The following USP13 variants were observed in gnomAD, a reference collection of about 807,000 sequenced individuals.
USP13 encodes the protein ubiquitin carboxyl-terminal hydrolase 13.
In USP13, 68 loss-of-function variants were observed where a neutral mutation model predicts 107.8. The ratio of observed to expected loss-of-function variants is 0.63; its 90% CI spans 0.52 to 0.77. The LOEUF is 0.77. Among genes scored for constraint, USP13 ranks in the 30% least tolerant of loss-of-function variants. The probability of loss-of-function intolerance (pLI) is 0.00; values close to 1 mark genes in which losing one functional copy is unlikely to be tolerated. For synonymous variants in USP13, 377 were observed against 389.5 expected, an observed-to-expected ratio of 0.97 and a Z score of 0.38; for missense variants, 945 against 1,093.3, an observed-to-expected ratio of 0.86 and a Z score of 1.91.
At position 179,653,470 on chromosome 3, in the gene USP13, T is replaced by C; in HGVS notation, c.168+77T>C. On this transcript the variant is annotated intron_variant, in intron 1 of 20. Transcript: ENST00000263966. This position sits in a 1 kb window ranked among gnomAD's most constrained non-coding sequence, Gnocchi z 4.0. ...TGAAGCCGGGGGAGAAGATGCGCAG[T>C]GGCGGCCGGGACCTCTTCTCTTCCT... 1 of 1,504,976 alleles carries C rather than the reference T, an allele frequency of 6.6e-7. No individual in the cohort carries two copies. 93.2% of individuals were successfully genotyped at this position (1,504,976 alleles called of 1,614,324 possible). A position where few individuals can be genotyped will look rare whatever the true frequency, so the allele number is the denominator to read the frequency against.
At chr3:179,690,605 C>T (rs970415143) in intron 3 of USP13, among the ~76,000 whole-genome samples, 1 of 152,176 alleles carries the variant, frequency 6.6e-6, no homozygotes, top group African/African-American at 2.4e-5. Flanking sequence ...CAGGGTCTGG[C>T]TCTCTCGCCT....
At position 179,745,582 on chromosome 3, in the gene USP13, GC is replaced by G. The variant is rs549145411; in HGVS notation, c.1709+369del. ...CCTCCCAACCTTGACCCCACCCCCA[GC>G]CCCTCTCTTACCAAGAGGATACAGC... On this transcript the variant is annotated intron_variant, in intron 13 of 20. Coordinates refer to ENST00000263966, the MANE Select transcript of USP13 (RefSeq NM_003940.3). Among the ~76,000 whole-genome samples, 13 of 140,504 alleles carry G rather than the reference GC, an allele frequency of 9.3e-5. No individual in the cohort carries two copies. The South Asian group carries it at 3.0e-3, about 32-fold the overall frequency. The allele number at this position is 140,504 out of a possible 152,430, so 92.2% of individuals were successfully genotyped here. A position where few individuals can be genotyped will look rare whatever the true frequency, so the allele number is the denominator to read the frequency against.
chr3:179,660,840 A>G (rs1720436769), intron 1 of USP13, among the ~76,000 whole-genome samples: 2 of 152,224 alleles, frequency 1.3e-5, no homozygotes, highest in African/African-American at 2.4e-5. Context: ...AGTAAATCTT[A>G]TTAGTTTCAC....
chr3:179,671,795 C>T (rs779509069), intron 1 of USP13, among the ~76,000 whole-genome samples: 2 of 151,986 alleles, frequency 1.3e-5, no homozygotes, highest in Non-Finnish European at 2.9e-5. Flanking sequence ...GTGTTCTGGT[C>T]TTCTTGGCCT....
intron 3 of USP13, among the ~76,000 whole-genome samples, chr3:179,695,018 T>C (rs994495639): frequency 6.6e-6 from 1 of 151,956 alleles, no homozygotes; most frequent in Non-Finnish European, 1.5e-5. Context: ...CTGAGTAAAG[T>C]TGGGGTCTCT....
chr3:179,688,134 TATCC>T (rs1356389336), intron 2 of USP13, among the ~76,000 whole-genome samples: 1 of 31,390 alleles, frequency 3.2e-5, no homozygotes, highest in Admixed American at 3.4e-4. Flanking sequence ...TCCATCCATA[TATCC>T]ATCCATCCAT....
rs371270750 is a variant in USP13 at position 179,709,163 on chromosome 3, A to G, written c.805+206A>G. On this transcript the variant is annotated intron_variant, in intron 6 of 20. Coordinates refer to ENST00000263966, the MANE Select transcript of USP13 (RefSeq NM_003940.3). ...TAGAATCCTCATCTTGAGGATAACG[A>G]TGATGATACCTCTTTCCTGTGTTTG... is the stretch of plus-strand genomic sequence containing the variant. Among the ~76,000 whole-genome samples the G allele has an allele frequency of 5.4e-4, 82 of 152,350 alleles. No individual in the cohort carries two copies. In the South Asian group the frequency reaches 0.017, roughly 31 times the overall value.
At position 179,785,215 on chromosome 3, in the gene USP13, C is replaced by T. The variant is rs975772339; in HGVS notation, c.*1074C>T. On this transcript the variant is annotated 3_prime_UTR_variant, in exon 21 of 21. Transcript: ENST00000263966. ...TCCCATCTCTGAGCTCTTTATCTGC[C>T]TCCGTTTCCTTGTTTTTCTGGGGCC... The T allele has an allele frequency of 6.6e-6, 1 of 152,192 alleles. No individual in the cohort carries two copies. The highest frequency in any genetic ancestry group is 2.4e-5 in the African/African-American group (1 of 41,426). 9.4% of individuals were successfully genotyped at this position (152,192 alleles called of 1,614,324 possible).
intron 4 of USP13, among the ~76,000 whole-genome samples, chr3:179,704,175 G>A (rs1245633677): frequency 6.6e-6 from 1 of 152,188 alleles, no homozygotes; most frequent in Non-Finnish European, 1.5e-5. Flanking sequence ...TGAAAACACT[G>A]GATCAGTGTT....
At chr3:179,777,022 ATTCTC>A (rs1715565503) in intron 19 of USP13, among the ~76,000 whole-genome samples, 1 of 151,946 alleles carries the variant, frequency 6.6e-6, no homozygotes, top group Non-Finnish European at 1.5e-5. Flanking sequence ...GTTGAGAGAG[ATTCTC>A]TTTTGTTGTT....
intron 3 of USP13, among the ~76,000 whole-genome samples, chr3:179,696,138 T>C (rs1171733544): frequency 6.6e-6 from 1 of 152,200 alleles, no homozygotes; most frequent in Non-Finnish European, 1.5e-5. Flanking sequence ...CAGTGGCTGA[T>C]CCGATTCAGG....
chr3:179,657,562 A>G (rs1326700590), intron 1 of USP13, among the ~76,000 whole-genome samples: 2 of 151,906 alleles, frequency 1.3e-5, no homozygotes, highest in Admixed American at 6.6e-5. Context: ...AGAGATCGAG[A>G]CCATCCTGGC....
At position 179,742,278 on chromosome 3, in the gene USP13, A is replaced by C. The variant is rs756049135; in HGVS notation, c.1462A>C (p.Lys488Gln). Residue 488 changes from lysine (K) to glutamine (Q), a missense_variant, in exon 12 of 21, where the codon AAA becomes CAA. Physicochemically the swap from Lys to Gln is moderately conservative, Grantham distance 53 (BLOSUM62 1). Coordinates refer to ENST00000263966, the MANE Select transcript of USP13 (RefSeq NM_003940.3). This position sits in a 1 kb window ranked among gnomAD's most constrained non-coding sequence, Gnocchi z 5.0. ...ACGCATTCAGTGCTGTCAGACCCGG[A>C]AAGTCCGCTACACGGAGAGGGTGGA... is the stretch of plus-strand genomic sequence containing the variant. ...EERIQCCQTR[K>Q]VRYTERVDYL... 1.9e-6 allele frequency: 3 copies of C among 1,614,238 alleles called. No homozygotes were observed. The highest frequency in any genetic ancestry group is 2.5e-6 in the Non-Finnish European group (3 of 1,180,038).
intron 8 of USP13, 64 bp from the exon 9 acceptor site, chr3:179,730,125 G>C (rs1323477446): frequency 1.0e-5 from 15 of 1,462,024 alleles, no homozygotes; most frequent in Non-Finnish European, 1.4e-5. Context: ...GAATTTTGAT[G>C]GCTTGTTTTG....
intron 13 of USP13, among the ~76,000 whole-genome samples, chr3:179,746,022 C>T (rs1304874877): frequency 4.0e-5 from 6 of 151,836 alleles, no homozygotes; most frequent in Non-Finnish European, 8.8e-5. Flanking sequence ...AAAGGGAGGT[C>T]TGAAAGTTTG....
At chr3:179,758,082 T>G (rs1714866752) in intron 16 of USP13, among the ~76,000 whole-genome samples, 1 of 152,176 alleles carries the variant, frequency 6.6e-6, no homozygotes, top group Non-Finnish European at 1.5e-5. Context: ...ACAACTCTAC[T>G]TTTTATAAAA....
At position 179,653,278 on chromosome 3, in the gene USP13, A is replaced by G. The variant is rs778025556; in HGVS notation, c.53A>G (p.Lys18Arg). ...ATGCCGGGCGGCAGCGGAGGCAGGA[A>G]GATGGCTGCAGGAGACATCGGCGAG... The part of the protein sequence containing the change: ...FGMPGGSGGR[K>R]MAAGDIGELL... Residue 18 changes from lysine to arginine, a missense_variant, in exon 1 of 21, where the codon AAG (lysine) becomes AGG (arginine). Transcript: ENST00000263966. The surrounding 1 kb of genome is among the most constrained non-coding windows in gnomAD (Gnocchi z 4.0). 13 of 1,569,428 alleles carry G rather than the reference A, an allele frequency of 8.3e-6. No individual in the cohort carries two copies. The highest frequency in any genetic ancestry group is 1.1e-5 in the Non-Finnish European group (13 of 1,157,992).
chr3:179,783,884 G>C (rs1715830769), intron 20 of USP13, among the ~76,000 whole-genome samples, 164 bp from the exon 21 acceptor site: 1 of 150,832 alleles, frequency 6.6e-6, no homozygotes, highest in African/African-American at 2.4e-5. Context: ...AAAAGCAGTT[G>C]TGATTCCCTA....
chr3:179,745,136 C>T lies in USP13; in HGVS notation c.1628C>T (p.Ala543Val), dbSNP rs1358879643. The T allele has an allele frequency of 6.2e-7, 1 of 1,614,032 alleles. No individual in the cohort carries two copies. Among genetic ancestry groups the T allele is most frequent in the Admixed American group, 1.7e-5 (1 of 59,998 alleles). ...GTACGTGCCAAGATACCATTTAGTGCCTGCCTTCAGGCCTTCTCTGAACCA... is the reference window on the plus strand; with the variant it reads ...GTACGTGCCAAGATACCATTTAGTGTCTGCCTTCAGGCCTTCTCTGAACCA... ...ELVRAKIPFS[A>V]CLQAFSEPEN... Residue 543 changes from alanine to valine, a missense_variant, in exon 13 of 21, where the codon GCC (alanine) becomes GTC (valine). Transcript: ENST00000263966.
Sources: gnomAD v4.1 joint callset for allele counts (sites outside exome capture counted in the v4.1 genomes callset) on GRCh38, gnomAD v4.1.1 for gene constraint, Gnocchi (gnomAD v3.1) non-coding constraint, MANE v1.5 for transcripts, NCBI Gene and HGNC (gene_info 2026-07-23, HGNC 2026-07-21) for gene names.